The following SDK2 variants were observed in gnomAD, a reference collection of about 807,000 sequenced individuals.
SDK2 encodes protein sidekick-2.
In SDK2, 105 loss-of-function variants were observed where a neutral mutation model predicts 253.9. The ratio of observed to expected loss-of-function variants is 0.41; its 90% CI spans 0.35 to 0.49. SDK2 has a LOEUF of 0.49. SDK2 is among the 20% of genes least tolerant of loss of function. The pLI, the probability that SDK2 is intolerant of heterozygous loss-of-function variation, is 0.06. For missense variants in SDK2, 2,608 were observed against 3,003.0 expected (o/e 0.87, Z 3.07); for synonymous variants, 1,249 against 1,234.9 (o/e 1.01, Z -0.24).
chr17:73,502,568 C>T (rs1197935929), intron 2 of SDK2, among the ~76,000 whole-genome samples: 24 of 152,100 alleles, frequency 1.6e-4, no homozygotes, highest in Admixed American at 1.5e-3. Context: ...CAATGTCATG[C>T]GTGGATTAAA....
At chr17:73,564,858 C>T (rs2045289899) in intron 1 of SDK2, among the ~76,000 whole-genome samples, 1 of 151,408 alleles carries the variant, frequency 6.6e-6, no homozygotes, top group Non-Finnish European at 1.5e-5. Context: ...AAACCCAAAA[C>T]AAAAGACTAA....
At chr17:73,586,924 C>T (rs1178077394) in intron 1 of SDK2, among the ~76,000 whole-genome samples, 1 of 152,184 alleles carries the variant, frequency 6.6e-6, no homozygotes, top group Non-Finnish European at 1.5e-5. Flanking sequence ...TGGAATTCCT[C>T]CTCTGCTGCT....
chr17:73,617,010 G>A (rs2046066622), intron 1 of SDK2, among the ~76,000 whole-genome samples: 1 of 152,142 alleles, frequency 6.6e-6, no homozygotes, highest in Non-Finnish European at 1.5e-5. Context: ...CACGACACAT[G>A]TTTATTGAAT....
chr17:73,416,199 A>ATTTT (rs55713710), intron 16 of SDK2, among the ~76,000 whole-genome samples: 8,962 of 120,198 alleles, frequency 0.075, 1,246 homozygotes, highest in African/African-American at 0.27. Flanking sequence ...AATGAATTCA[A>ATTTT]TTTTTTTTTT....
At chr17:73,479,928 G>A (rs146897672) in intron 2 of SDK2, among the ~76,000 whole-genome samples, 1,932 of 152,296 alleles carry the variant, frequency 0.013, 46 homozygotes, top group African/African-American at 0.042. Context: ...CCTGACCTCA[G>A]GTGATCCACC....
At chr17:73,356,553 A>C (rs2062593592) in intron 40 of SDK2, among the ~76,000 whole-genome samples, 1 of 152,186 alleles carries the variant, frequency 6.6e-6, no homozygotes, top group Non-Finnish European at 1.5e-5. Context: ...ATGTATGACA[A>C]GGGCTATGCC....
In SDK2 at chr17:73,447,559, A is replaced by T; in HGVS notation, c.613+56T>A. The T allele has an allele frequency of 6.5e-7, 1 of 1,544,224 alleles. No individual in the cohort carries two copies. On this transcript the variant is annotated intron_variant, in intron 5 of 44. Transcript: ENST00000392650. This position sits in a 1 kb window ranked among gnomAD's most constrained non-coding sequence, Gnocchi z 4.0. ...CTTCCCAATGATCCCCTGGAGCACC[A>T]TTGCTAAGATTTAATGGCCCGCTCC...
intron 1 of SDK2, among the ~76,000 whole-genome samples, chr17:73,603,389 C>G (rs553523984): frequency 9.2e-5 from 14 of 152,216 alleles, no homozygotes; most frequent in Non-Finnish European, 1.9e-4. Context: ...CCGCCAATGT[C>G]CCTTCCCCTA....
chr17:73,630,420 C>T (rs1477185511), intron 1 of SDK2, among the ~76,000 whole-genome samples: 1 of 152,156 alleles, frequency 6.6e-6, no homozygotes, highest in Non-Finnish European at 1.5e-5. Flanking sequence ...AATGTGGCTC[C>T]TGATGCCTCA....
chr17:73,492,073 C>G (rs912308684), intron 2 of SDK2, among the ~76,000 whole-genome samples: 1 of 152,088 alleles, frequency 6.6e-6, no homozygotes, highest in Non-Finnish European at 1.5e-5. Context: ...GATCAGGGCC[C>G]CAACACCATG....
rs1241903185 is a variant in SDK2, at chr17:73,435,673, A to ACCTGCCT, written c.1001-36_1001-30dup. The ACCTGCCT allele has an allele frequency of 2.6e-6, 4 of 1,519,810 alleles. No homozygotes were observed. Among genetic ancestry groups the ACCTGCCT allele is most frequent in the Non-Finnish European group, 3.5e-6 (4 of 1,129,222 alleles). 94.1% of individuals were successfully genotyped at this position (1,519,810 alleles called of 1,614,324 possible). A position where few individuals can be genotyped will look rare whatever the true frequency, so the allele number is the denominator to read the frequency against. On this transcript the variant is annotated intron_variant, in intron 8 of 44. Coordinates refer to ENST00000392650, the MANE Select transcript of SDK2 (RefSeq NM_001144952.2). This position sits in a 1 kb window ranked among gnomAD's most constrained non-coding sequence, Gnocchi z 5.7. ...TGGGCAAGACGTGGGCCCACCGTCA[A>ACCTGCCT]CCTGCCTCCTGCCTCCTCTCCGCCT...
intron 12 of SDK2, among the ~76,000 whole-genome samples, chr17:73,426,208 C>CG (rs2063280905): frequency 3.4e-5 from 1 of 29,166 alleles, no homozygotes; most frequent in African/African-American, 1.1e-4. Context: ...CCATGCTGGG[C>CG]TTTTTTTTTT....
chr17:73,520,284 C>T (rs1265941112), intron 1 of SDK2: 1 of 152,378 alleles, frequency 6.6e-6, no homozygotes, highest in African/African-American at 2.4e-5. Context: ...CTTCTTTATC[C>T]CTTTTACTGG....
At chr17:73,389,836 G>A (rs1284412883) in intron 29 of SDK2, among the ~76,000 whole-genome samples, 4 of 152,190 alleles carry the variant, frequency 2.6e-5, no homozygotes, top group African/African-American at 4.8e-5. Context: ...TGCAACCTCC[G>A]TCCCCCAGGT....
At chr17:73,503,253 G>A (rs149595611) in intron 2 of SDK2, among the ~76,000 whole-genome samples, 4 of 152,358 alleles carry the variant, frequency 2.6e-5, no homozygotes, top group East Asian at 3.9e-4. Flanking sequence ...ATAAAGGTAC[G>A]TCCATCCGAA....
chr17:73,552,075 C>G (rs552911867), intron 1 of SDK2, among the ~76,000 whole-genome samples: 3 of 152,196 alleles, frequency 2.0e-5, no homozygotes, highest in Non-Finnish European at 4.4e-5. Context: ...GCCTGCCCCC[C>G]ACCCCTCGGC....
intron 2 of SDK2, among the ~76,000 whole-genome samples, chr17:73,501,787 C>T (rs1839210079): frequency 6.6e-6 from 1 of 152,216 alleles, no homozygotes. Flanking sequence ...CCATTCATGT[C>T]ACATCTTTTG....
intron 2 of SDK2, among the ~76,000 whole-genome samples, chr17:73,494,178 C>T (rs753102830): frequency 2.0e-5 from 3 of 152,172 alleles, no homozygotes; most frequent in Non-Finnish European, 4.4e-5. Flanking sequence ...GCTGGGGAGC[C>T]CAGTGAGATC....
At chr17:73,448,096 C>T (rs372914470) in intron 4 of SDK2, among the ~76,000 whole-genome samples, 1 of 152,186 alleles carries the variant, frequency 6.6e-6, no homozygotes, top group Admixed American at 6.5e-5. Context: ...CAGGTCACAG[C>T]CTCCATGGCT....
Sources: gnomAD v4.1 joint callset for allele counts (sites outside exome capture counted in the v4.1 genomes callset) on GRCh38, gnomAD v4.1.1 for gene constraint, Gnocchi (gnomAD v3.1) non-coding constraint, MANE v1.5 for transcripts, NCBI Gene and HGNC (gene_info 2026-07-23, HGNC 2026-07-21) for gene names.